The following CCDC60 variants were observed in gnomAD, a reference collection of about 807,000 sequenced individuals.
CCDC60 encodes the protein coiled-coil domain-containing protein 60.
A neutral mutation model predicts 63.5 loss-of-function variants in CCDC60; 54 were observed. The ratio of observed to expected loss-of-function variants is 0.85; its 90% CI spans 0.68 to 1.07. CCDC60 has a LOEUF of 1.07. CCDC60 is among the 50% of genes least tolerant of loss of function. The pLI, the probability that CCDC60 is intolerant of heterozygous loss-of-function variation, is 0.00. For missense variants in CCDC60, 651 were observed against 684.3 expected, an observed-to-expected ratio of 0.95 and a Z score of 0.54; for synonymous variants, 206 against 238.8, an observed-to-expected ratio of 0.86 and a Z score of 1.27.
At chr12:119,465,097 G>A (rs1453072399) in intron 2 of CCDC60, among the ~76,000 whole-genome samples, 1 of 151,188 alleles carries the variant, frequency 6.6e-6, no homozygotes, top group African/African-American at 2.4e-5. Context: ...GGATCACGAG[G>A]TCAGGAGATC....
chr12:119,436,407 G>A (rs2136247473), intron 2 of CCDC60, among the ~76,000 whole-genome samples: 1 of 152,254 alleles, frequency 6.6e-6, no homozygotes, highest in South Asian at 2.1e-4. Context: ...TTTGGAGCCA[G>A]AGGTTCCAGG....
chr12:119,363,802 A>G (rs1955814767), intron 1 of CCDC60, among the ~76,000 whole-genome samples: 1 of 152,162 alleles, frequency 6.6e-6, no homozygotes, highest in African/African-American at 2.4e-5. Flanking sequence ...TTATTTTGCT[A>G]CCATTTTTGA....
At chr12:119,510,821 C>T (rs708882) in intron 7 of CCDC60, among the ~76,000 whole-genome samples, 69,668 of 151,940 alleles carry the variant, frequency 0.46, 16,574 homozygotes, top group African/African-American at 0.6. Context: ...AAAGTGCCCA[C>T]TCCCAGCTGA....
chr12:119,488,203 G>C (rs1363658094), intron 4 of CCDC60, among the ~76,000 whole-genome samples: 1 of 152,120 alleles, frequency 6.6e-6, no homozygotes, highest in Non-Finnish European at 1.5e-5. Context: ...TACATTTTCA[G>C]GCAAAGGACT....
chr12:119,338,957 A>G (rs1474287055), intron 1 of CCDC60, among the ~76,000 whole-genome samples: 1 of 152,194 alleles, frequency 6.6e-6, no homozygotes, highest in Admixed American at 6.5e-5. Context: ...ATCCTAACGA[A>G]TGTTCCACTG....
At chr12:119,439,133 T>C (rs1343822643) in intron 2 of CCDC60, among the ~76,000 whole-genome samples, 2 of 105,020 alleles carry the variant, frequency 1.9e-5, no homozygotes, top group Admixed American at 2.7e-4. Context: ...AAACAGTATA[T>C]ACATCCCTTT....
intron 1 of CCDC60, among the ~76,000 whole-genome samples, chr12:119,371,302 C>T (rs931768966): frequency 1.3e-5 from 2 of 152,146 alleles, no homozygotes; most frequent in East Asian, 1.9e-4. Flanking sequence ...AAGTGGTACC[C>T]ATGTTCAATA....
chr12:119,527,668 T>TTCTTTC (rs1171008487), intron 11 of CCDC60, among the ~76,000 whole-genome samples: 1 of 89,574 alleles, frequency 1.1e-5, no homozygotes, highest in African/African-American at 4.0e-5. Flanking sequence ...CTTTCTTTCT[T>TTCTTTC]TTTTTTTTTT....
chr12:119,523,617 G>C (rs564568286), intron 10 of CCDC60, 76 bp from the exon 11 acceptor site: 19 of 1,591,922 alleles, frequency 1.2e-5, no homozygotes, highest in Non-Finnish European at 7.7e-6. Context: ...GGCTAAGGGG[G>C]GCCAGAGTGG....
intron 1 of CCDC60, among the ~76,000 whole-genome samples, chr12:119,358,778 TC>T (rs1464823036): frequency 1.3e-5 from 2 of 152,264 alleles, no homozygotes; most frequent in East Asian, 3.8e-4. Flanking sequence ...TGTCATTTGT[TC>T]ATTATCATTG....
chr12:119,390,446 A>G (rs573122954), intron 1 of CCDC60, among the ~76,000 whole-genome samples: 1 of 152,360 alleles, frequency 6.6e-6, no homozygotes, highest in East Asian at 1.9e-4. Context: ...TCTCCTGTTT[A>G]CAGTCACAGC....
intron 2 of CCDC60, among the ~76,000 whole-genome samples, chr12:119,442,032 A>T (rs890277625): frequency 6.6e-6 from 1 of 152,218 alleles, no homozygotes; most frequent in African/African-American, 2.4e-5. Context: ...AAAGCTAGAA[A>T]ATATCAATTA....
intron 1 of CCDC60, among the ~76,000 whole-genome samples, chr12:119,372,473 G>A (rs551896470): frequency 3.3e-5 from 5 of 152,296 alleles, no homozygotes; most frequent in Middle Eastern, 3.4e-3. Flanking sequence ...CTCCCATAGC[G>A]TGGCTTCCAG....
intron 1 of CCDC60, among the ~76,000 whole-genome samples, chr12:119,335,720 T>C (rs1333881800): frequency 2.0e-5 from 3 of 152,150 alleles, no homozygotes; most frequent in African/African-American, 7.2e-5. Context: ...GATAAGTATG[T>C]TGCGAAAATT....
At chr12:119,366,322 G>T (rs1955840090) in intron 1 of CCDC60, among the ~76,000 whole-genome samples, 1 of 152,220 alleles carries the variant, frequency 6.6e-6, no homozygotes, top group South Asian at 2.1e-4. Flanking sequence ...TCAGAGTCAA[G>T]GAGACGAGAT....
intron 2 of CCDC60, among the ~76,000 whole-genome samples, chr12:119,430,876 C>T (rs1714217444): frequency 2.6e-5 from 4 of 152,120 alleles, no homozygotes; most frequent in South Asian, 4.1e-4. Context: ...CAGACTAATA[C>T]GTAAGAGACA....
At chr12:119,411,948 A>G (rs974422505) in intron 1 of CCDC60, among the ~76,000 whole-genome samples, 4 of 151,950 alleles carry the variant, frequency 2.6e-5, no homozygotes, top group African/African-American at 9.7e-5. Context: ...AGTGTCTCCT[A>G]CTAGACCACC....
intron 1 of CCDC60, among the ~76,000 whole-genome samples, chr12:119,421,478 G>C (rs573223003): frequency 2.0e-5 from 3 of 152,138 alleles, no homozygotes; most frequent in South Asian, 4.2e-4. Context: ...TCAAATCCAG[G>C]CTTTGCCACT....
chr12:119,398,953 T>C (rs1328672558), intron 1 of CCDC60, among the ~76,000 whole-genome samples: 1 of 152,178 alleles, frequency 6.6e-6, no homozygotes, highest in Non-Finnish European at 1.5e-5. Flanking sequence ...AGAAAGGCAA[T>C]ATTATGAATG....
Sources: allele counts gnomAD v4.1 joint callset (sites outside exome capture counted in the v4.1 genomes callset), GRCh38; gene constraint gnomAD v4.1.1; transcripts MANE v1.5; gene names NCBI Gene and HGNC (gene_info 2026-07-23, HGNC 2026-07-21).